Variants in GRIA1 observed in about 807,000 individuals in gnomAD.
GRIA1 encodes the protein glutamate ionotropic receptor AMPA type subunit 1.
GRIA1 carries 31 observed loss-of-function variants against 99.2 expected under a neutral mutation model. The ratio of observed to expected loss-of-function variants is 0.31; its 90% CI spans 0.23 to 0.42. The LOEUF (loss-of-function observed/expected upper bound fraction) is 0.42. Ranked by LOEUF, GRIA1 falls within the 10% of genes least tolerant of loss-of-function variation. GRIA1 has a pLI of 1.00. For synonymous variants in GRIA1, 438 were observed against 432.4 expected (o/e 1.01, Z -0.16); for missense variants, 782 against 1,157.5 (o/e 0.68, Z 4.71).
At chr5:153,497,374 A>C (rs1455523946) in intron 2 of GRIA1, among the ~76,000 whole-genome samples, 3 of 152,234 alleles carry the variant, frequency 2.0e-5, no homozygotes, top group African/African-American at 7.2e-5. Context: ...TAGAGGTCTG[A>C]GTAGCATAGT....
At chr5:153,629,062 A>C (rs1278381865) in intron 2 of GRIA1, among the ~76,000 whole-genome samples, 1 of 152,224 alleles carries the variant, frequency 6.6e-6, no homozygotes, top group Non-Finnish European at 1.5e-5. Flanking sequence ...AAGTTTGTAC[A>C]GAGAGACAGG....
chr5:153,667,268 A>T (rs1316638538), intron 5 of GRIA1, among the ~76,000 whole-genome samples: 3 of 152,174 alleles, frequency 2.0e-5, no homozygotes, highest in Non-Finnish European at 4.4e-5. Context: ...ACAATGTTAG[A>T]TGCTCCTTCT....
At chr5:153,552,797 G>T (rs969637983) in intron 2 of GRIA1, among the ~76,000 whole-genome samples, 4 of 152,152 alleles carry the variant, frequency 2.6e-5, no homozygotes, top group Non-Finnish European at 5.9e-5. Context: ...ATCATATTTT[G>T]CATAGCAAAG....
intron 11 of GRIA1, among the ~76,000 whole-genome samples, chr5:153,737,072 G>T (rs1296333916): frequency 6.6e-6 from 1 of 152,118 alleles, no homozygotes; most frequent in Non-Finnish European, 1.5e-5. Flanking sequence ...ATTGGGTTAG[G>T]CTGTAAGCCT....
At chr5:153,699,183 T>C (rs755334145) in intron 10 of GRIA1, 110 bp downstream of exon 10, 69 of 745,512 alleles carry the variant, frequency 9.3e-5, no homozygotes, top group Non-Finnish European at 1.5e-4. Flanking sequence ...ACCCTGTAAT[T>C]GAGTGTTGTT....
chr5:153,651,623 A>C (rs917655226), intron 4 of GRIA1, among the ~76,000 whole-genome samples: 4 of 152,226 alleles, frequency 2.6e-5, no homozygotes. Flanking sequence ...GGGCCCTCAC[A>C]GAGAATCTTG....
intron 5 of GRIA1, among the ~76,000 whole-genome samples, chr5:153,660,977 G>A (rs1286475741): frequency 1.3e-5 from 2 of 152,202 alleles, no homozygotes; most frequent in African/African-American, 4.8e-5. Context: ...TTTCTGCCAT[G>A]TGCTTGCAGA....
At chr5:153,555,109 C>T (rs548942206) in intron 2 of GRIA1, among the ~76,000 whole-genome samples, 18 of 152,204 alleles carry the variant, frequency 1.2e-4, no homozygotes, top group African/African-American at 4.3e-4. Context: ...TGGAATTTAT[C>T]ATAATGTACA....
chr5:153,791,125 T>C (rs2149654549), intron 13 of GRIA1, among the ~76,000 whole-genome samples: 1 of 142,384 alleles, frequency 7.0e-6, no homozygotes, highest in Admixed American at 7.3e-5. Flanking sequence ...GCAATTCGTT[T>C]CTGTCTCCTT....
intron 10 of GRIA1, among the ~76,000 whole-genome samples, chr5:153,702,418 C>A (rs1412840907): frequency 6.6e-6 from 1 of 152,238 alleles, no homozygotes; most frequent in Non-Finnish European, 1.5e-5. Flanking sequence ...AAACAAGGAA[C>A]GTGAATTCTT....
chr5:153,569,551 G>A lies in GRIA1; in HGVS notation c.220+75486G>A, dbSNP rs115682695. On this transcript the variant is annotated intron_variant, in intron 2 of 15. Coordinates refer to ENST00000285900, the MANE Select transcript of GRIA1 (RefSeq NM_000827.4). ...AAAAAGCCCCGATTGAGCCTGGCCC[G>A]CCTGAACCTGGGATAGCCCAGATAT... 1.6e-3 allele frequency among the ~76,000 whole-genome samples: 236 copies of A among 152,218 alleles called. 1 individual carries two copies. Among genetic ancestry groups the A allele is most frequent in the African/African-American group, 5.3e-3 (219 of 41,452 alleles).
At chr5:153,742,012 T>TATC (rs1473547874) in intron 11 of GRIA1, among the ~76,000 whole-genome samples, 4 of 151,960 alleles carry the variant, frequency 2.6e-5, no homozygotes, top group African/African-American at 9.7e-5. Flanking sequence ...GGCTGTTTGT[T>TATC]ATCACTGCAT....
At chr5:153,638,536 C>T (rs534876393) in intron 2 of GRIA1, among the ~76,000 whole-genome samples, 11 of 152,334 alleles carry the variant, frequency 7.2e-5, no homozygotes, top group East Asian at 5.8e-4. Context: ...GACCCAGGGG[C>T]GGCCCATGCC....
chr5:153,502,946 T>TGG (rs1755150322), intron 2 of GRIA1, among the ~76,000 whole-genome samples: 1 of 152,202 alleles, frequency 6.6e-6, no homozygotes, highest in Non-Finnish European at 1.5e-5. Flanking sequence ...TTTTTGAACC[T>TGG]AACAATTTAA....
intron 2 of GRIA1, among the ~76,000 whole-genome samples, chr5:153,543,932 G>GA (rs1349325610): frequency 6.6e-6 from 1 of 151,698 alleles, no homozygotes; most frequent in Non-Finnish European, 1.5e-5. Context: ...AGTCCTGTGG[G>GA]AAAAAATAAA....
At chr5:153,531,892 T>C (rs1197328268) in intron 2 of GRIA1, among the ~76,000 whole-genome samples, 1 of 152,112 alleles carries the variant, frequency 6.6e-6, no homozygotes, top group Admixed American at 6.5e-5. Flanking sequence ...CTGAAACCTC[T>C]CACATTTAAG....
At position 153,521,043 on chromosome 5, in the gene GRIA1, C is replaced by T. The variant is rs6863632; in HGVS notation, c.220+26978C>T. Among the ~76,000 whole-genome samples, 1,496 of 152,250 alleles carry T rather than the reference C, an allele frequency of 9.8e-3. 29 individuals carry two copies. The highest frequency in any genetic ancestry group is 0.034 in the African/African-American group (1,425 of 41,534). ...CTTTGAACCTATTACTATTAAATCA[C>T]TACCCCAGAATTCAAAAACAAATGA... On this transcript the variant is annotated intron_variant, in intron 2 of 15. Transcript: ENST00000285900.
intron 5 of GRIA1, among the ~76,000 whole-genome samples, chr5:153,670,435 T>C (rs1041872481): frequency 7.9e-6 from 1 of 126,026 alleles, no homozygotes; most frequent in Non-Finnish European, 1.9e-5. Context: ...ACTCTGTAGA[T>C]TAATTTCATT....
chr5:153,627,922 G>GAC (rs1402045945), intron 2 of GRIA1, among the ~76,000 whole-genome samples: 4 of 151,894 alleles, frequency 2.6e-5, no homozygotes, highest in Admixed American at 1.3e-4. Flanking sequence ...CAGGCAGACA[G>GAC]AGATTCCTGA....
Sources: allele counts gnomAD v4.1 joint callset (sites outside exome capture counted in the v4.1 genomes callset), GRCh38; gene constraint gnomAD v4.1.1; transcripts MANE v1.5; gene names NCBI Gene and HGNC (gene_info 2026-07-23, HGNC 2026-07-21).